Variants in ARHGAP26 observed in about 807,000 individuals in gnomAD.
ARHGAP26 encodes Rho GTPase activating protein 26.
ARHGAP26 carries 38 observed loss-of-function variants against 104.8 expected under a neutral mutation model. That is an observed-to-expected ratio of 0.36 (90% CI 0.28 to 0.48). ARHGAP26 has a LOEUF of 0.48. Ranked by LOEUF, ARHGAP26 falls within the 20% of genes least tolerant of loss-of-function variation. The probability of loss-of-function intolerance (pLI) is 0.99; values close to 1 mark genes in which losing one functional copy is unlikely to be tolerated. For missense variants in ARHGAP26, 704 were observed against 947.9 expected (o/e 0.74, Z 3.38); for synonymous variants, 341 against 340.0 (o/e 1.00, Z -0.03).
At position 143,092,843 on chromosome 5, in the gene ARHGAP26, C is replaced by A. The variant is rs111848133; in HGVS notation, c.1539-28145C>A. On this transcript the variant is annotated intron_variant, in intron 17 of 22. Transcript: ENST00000645722. ...CTTGACTGAGTGCAAACAGCTCCCA[C>A]GTCTGAGCAGACCAATTATTAGGCA... Among the ~76,000 whole-genome samples, 9 of 152,342 alleles carry A rather than the reference C, an allele frequency of 5.9e-5. No individual in the cohort carries two copies. In the East Asian group the frequency reaches 1.7e-3, roughly 29 times the overall value.
chr5:142,799,813 C>A (rs760401441), intron 1 of ARHGAP26, among the ~76,000 whole-genome samples: 3 of 152,252 alleles, frequency 2.0e-5, no homozygotes, highest in Non-Finnish European at 4.4e-5. Flanking sequence ...TTGATTCATT[C>A]ATGAGGGCGG....
At chr5:142,777,115 A>G (rs1170959688) in intron 1 of ARHGAP26, among the ~76,000 whole-genome samples, 1 of 152,176 alleles carries the variant, frequency 6.6e-6, no homozygotes, top group Non-Finnish European at 1.5e-5. Context: ...TTGTCTCATA[A>G]AACTTTTGAT....
rs1202564636 is a variant in ARHGAP26, at chr5:142,879,403, T to C, written c.342T>C (p.Thr114=). The C allele has an allele frequency of 6.2e-7, 1 of 1,614,042 alleles. No homozygotes were observed. The highest frequency in any genetic ancestry group is 1.7e-5 in the Admixed American group (1 of 60,010). ...AGAATGCCAGCGAGGTGCTCATCAC[T>C]CCCTTGGAGAAGTTTCGAAAGGAAC... ...MIENASEVLI[T]PLEKFRKEQI... is the part of the protein sequence containing the mutation. The change falls in exon 4 of 23, where the codon ACT becomes ACC. Residue 114 remains threonine, a synonymous_variant. Transcript: ENST00000645722.
chr5:142,777,497 C>T (rs368614188), intron 1 of ARHGAP26, among the ~76,000 whole-genome samples: 3 of 152,216 alleles, frequency 2.0e-5, no homozygotes, highest in African/African-American at 7.2e-5. Context: ...AAAAATTAGC[C>T]AGTGGAGGAA....
intron 17 of ARHGAP26, among the ~76,000 whole-genome samples, chr5:143,105,072 C>T (rs1201379706): frequency 6.6e-6 from 1 of 152,140 alleles, no homozygotes; most frequent in Non-Finnish European, 1.5e-5. Context: ...AAAGGGTAAG[C>T]TATTTAAAAA....
chr5:142,794,300 TG>T (rs765138692), intron 1 of ARHGAP26, among the ~76,000 whole-genome samples: 166 of 152,226 alleles, frequency 1.1e-3, no homozygotes, highest in African/African-American at 3.8e-3. Flanking sequence ...GAGTTGACAG[TG>T]GGTAAAATAA....
In ARHGAP26 at chr5:143,227,750, AGT is replaced by A. The variant is rs1274589504; in HGVS notation, c.*5307_*5308del. On this transcript the variant is annotated 3_prime_UTR_variant, in exon 23 of 23. Coordinates refer to ENST00000645722, the MANE Select transcript of ARHGAP26 (RefSeq NM_001135608.3). ...AGCACCTGTATTATTGAGAGGAAAA[AGT>A]GTTGGATGCAAAGTAACACCAGGAC... 32 of 225,888 alleles carry A rather than the reference AGT, an allele frequency of 1.4e-4. 1 individual carries two copies. The East Asian group carries it at 2.0e-3, about 14-fold the overall frequency. The allele number at this position is 225,888 out of a possible 1,614,324, so 14.0% of individuals were successfully genotyped here.
intron 1 of ARHGAP26, among the ~76,000 whole-genome samples, chr5:142,797,293 A>G (rs776548639): frequency 2.6e-5 from 4 of 152,242 alleles, no homozygotes; most frequent in Admixed American, 1.3e-4. Context: ...TCAGCATCAT[A>G]GGAAAGCAGT....
intron 22 of ARHGAP26, among the ~76,000 whole-genome samples, chr5:143,221,625 C>T (rs544208305): frequency 3.3e-5 from 5 of 152,242 alleles, no homozygotes; most frequent in South Asian, 2.1e-4. Flanking sequence ...GCGATCCTCC[C>T]GCTTCGGCAC....
intron 20 of ARHGAP26, among the ~76,000 whole-genome samples, chr5:143,171,346 C>T (rs376597728): frequency 4.6e-5 from 7 of 152,164 alleles, no homozygotes; most frequent in African/African-American, 9.7e-5. Context: ...AGTCATCCAT[C>T]GTCTTGAGGG....
intron 17 of ARHGAP26, among the ~76,000 whole-genome samples, chr5:143,109,565 C>T (rs1298281970): frequency 6.6e-6 from 1 of 152,084 alleles, no homozygotes; most frequent in Non-Finnish European, 1.5e-5. Flanking sequence ...AGCCATTCTT[C>T]TGCCTCAGCT....
chr5:142,816,253 C>T (rs1765117848), intron 1 of ARHGAP26, among the ~76,000 whole-genome samples: 1 of 152,186 alleles, frequency 6.6e-6, no homozygotes, highest in South Asian at 2.1e-4. Flanking sequence ...TGTTTACCAT[C>T]ATATACTGAG....
At chr5:142,931,925 C>T in intron 10 of ARHGAP26, 122 bp from the exon 11 acceptor site, 2 of 896,150 alleles carry the variant, frequency 2.2e-6, no homozygotes, top group South Asian at 1.4e-5. Context: ...GTGTTTTGCC[C>T]CTCTTTGTGT....
At chr5:142,854,081 A>G (rs966780819) in intron 1 of ARHGAP26, among the ~76,000 whole-genome samples, 3 of 152,180 alleles carry the variant, frequency 2.0e-5, no homozygotes, top group Admixed American at 1.3e-4. Flanking sequence ...TGGGGAAATT[A>G]TTATGTTTTT....
At chr5:142,975,713 A>G (rs1320306281) in intron 11 of ARHGAP26, among the ~76,000 whole-genome samples, 1 of 152,174 alleles carries the variant, frequency 6.6e-6, no homozygotes, top group African/African-American at 2.4e-5. Flanking sequence ...ATACTTGTGT[A>G]TACTTTATTA....
At chr5:143,132,425 G>A (rs1797457142) in intron 18 of ARHGAP26, among the ~76,000 whole-genome samples, 1 of 151,386 alleles carries the variant, frequency 6.6e-6, no homozygotes, top group Non-Finnish European at 1.5e-5. Context: ...AACTCAGGAG[G>A]GAGGAGACCA....
At chr5:142,798,617 G>A (rs1761450467) in intron 1 of ARHGAP26, among the ~76,000 whole-genome samples, 1 of 152,206 alleles carries the variant, frequency 6.6e-6, no homozygotes, top group Non-Finnish European at 1.5e-5. Context: ...TGCCTGGAAG[G>A]GTGGTGATGG....
intron 11 of ARHGAP26, among the ~76,000 whole-genome samples, chr5:143,012,576 T>TATATA (rs1554195628): frequency 7.2e-4 from 41 of 56,936 alleles, no homozygotes; most frequent in Middle Eastern, 7.6e-3. Context: ...TATATATATA[T>TATATA]TATGATCAGG....
At chr5:142,967,655 G>T (rs964216922) in intron 11 of ARHGAP26, among the ~76,000 whole-genome samples, 1 of 152,076 alleles carries the variant, frequency 6.6e-6, no homozygotes, top group African/African-American at 2.4e-5. Context: ...GCCAATCTAG[G>T]CACTTAGATG....
Sources: allele counts gnomAD v4.1 joint callset (sites outside exome capture counted in the v4.1 genomes callset), GRCh38; gene constraint gnomAD v4.1.1; transcripts MANE v1.5; gene names NCBI Gene and HGNC (gene_info 2026-07-23, HGNC 2026-07-21).